The following SH3BP4 variants were observed in gnomAD, a reference collection of about 807,000 sequenced individuals.
SH3BP4 encodes the protein SH3 domain binding protein 4.
Under a neutral mutation model 65.5 loss-of-function variants are expected in SH3BP4, and 33 were observed. The ratio of observed to expected loss-of-function variants is 0.50; its 90% confidence interval spans 0.38 to 0.67. The LOEUF (loss-of-function observed/expected upper bound fraction) is 0.67, where lower values mean the gene tolerates loss of function less well. SH3BP4 is among the 30% of genes least tolerant of loss of function. SH3BP4 has a pLI of 0.00. For missense variants in SH3BP4, 1,134 were observed against 1,261.4 expected (o/e 0.90, Z 1.53); for synonymous variants, 552 against 545.5 (o/e 1.01, Z -0.17).
chr2:234,961,176 G>A (rs559789896), intron 1 of SH3BP4, among the ~76,000 whole-genome samples: 46 of 152,270 alleles, frequency 3.0e-4, no homozygotes, highest in Admixed American at 4.6e-4. Context: ...ATCGTACTTC[G>A]CTCCTGGAGT....
At chr2:235,007,427 T>G (rs1694330209) in intron 2 of SH3BP4, among the ~76,000 whole-genome samples, 1 of 152,102 alleles carries the variant, frequency 6.6e-6, no homozygotes, top group African/African-American at 2.4e-5. Flanking sequence ...GTCTGGAGAT[T>G]TGTGATTGTC....
chr2:234,988,111 G>A (rs1040167831), intron 1 of SH3BP4, among the ~76,000 whole-genome samples: 1 of 152,054 alleles, frequency 6.6e-6, no homozygotes, highest in African/African-American at 2.4e-5. Flanking sequence ...CCAGGCTGGA[G>A]TGCGGTGGTG....
chr2:234,967,109 C>T lies in SH3BP4; in HGVS notation c.-207+14939C>T, dbSNP rs747750465. 2.0e-5 allele frequency among the ~76,000 whole-genome samples: 3 copies of T among 152,094 alleles called. No individual in the cohort carries two copies. Among genetic ancestry groups the T allele is most frequent in the South Asian group, 2.1e-4 (1 of 4,816 alleles). ...CTCTTACTGTCTCTGTTTAACAGATCGGGAAACTGAGGAACCATGGGGTTT... is the reference window on the plus strand; with the variant it reads ...CTCTTACTGTCTCTGTTTAACAGATTGGGAAACTGAGGAACCATGGGGTTT... On this transcript the variant is annotated intron_variant, in intron 1 of 5. Coordinates refer to ENST00000392011, the MANE Select transcript of SH3BP4 (RefSeq NM_014521.3). The surrounding 1 kb of genome is among the most constrained non-coding windows in gnomAD (Gnocchi z 4.6).
chr2:235,054,115 A>G lies in SH3BP4; in HGVS notation c.*299A>G. ...GGGATCTATGAGAAAGGTGGTATCT[A>G]ATTTTTTTATGGACCATAAAGGTTT... On this transcript the variant is annotated 3_prime_UTR_variant, in exon 6 of 6. Coordinates refer to ENST00000392011, the MANE Select transcript of SH3BP4 (RefSeq NM_014521.3). 1 of 330,654 alleles carries G rather than the reference A, an allele frequency of 3.0e-6. No individual in the cohort carries two copies. The allele number at this position is 330,654 out of a possible 1,614,324, so 20.5% of individuals were successfully genotyped here.
At position 235,030,755 on chromosome 2, in the gene SH3BP4, C is replaced by G. The variant is rs1006441763; in HGVS notation, c.-132-4116C>G. On this transcript the variant is annotated intron_variant, in intron 2 of 5. Transcript: ENST00000392011. The surrounding 1 kb of genome is among the most constrained non-coding windows in gnomAD (Gnocchi z 4.1). ...TGCTGGCTGCATTCTCCATCCCGTG[C>G]CAGCCCCCTGTAGATGCAGTGGTGT... Among the ~76,000 whole-genome samples the G allele has an allele frequency of 6.6e-6, 1 of 152,166 alleles. No individual in the cohort carries two copies. The highest frequency in any genetic ancestry group is 1.5e-5 in the Non-Finnish European group (1 of 68,016).
chr2:235,054,137 G>A lies in SH3BP4; in HGVS notation c.*321G>A, dbSNP rs373065963. 3.6e-6 allele frequency: 1 copy of A among 276,550 alleles called. No homozygotes were observed. Among genetic ancestry groups the A allele is most frequent in the African/African-American group, 2.1e-5 (1 of 46,952 alleles). The allele number at this position is 276,550 out of a possible 1,614,324, so 17.1% of individuals were successfully genotyped here. A position where few individuals can be genotyped will look rare whatever the true frequency, so the allele number is the denominator to read the frequency against. On this transcript the variant is annotated 3_prime_UTR_variant, in exon 6 of 6. Coordinates refer to ENST00000392011, the MANE Select transcript of SH3BP4 (RefSeq NM_014521.3). ...TCTAATTTTTTTATGGACCATAAAG[G>A]TTTAAAAGAAAATAGGGGCACAGGC...
At chr2:235,023,380 G>C (rs6714688) in intron 2 of SH3BP4, among the ~76,000 whole-genome samples, 152,240 of 152,250 alleles carry the variant, frequency 1, 76,115 homozygotes, top group Middle Eastern at 1. Context: ...AACCCTGTCT[G>C]TATTTAAAAT....
intron 2 of SH3BP4, among the ~76,000 whole-genome samples, chr2:235,027,680 T>C (rs1456359786): frequency 6.6e-6 from 1 of 152,128 alleles, no homozygotes; most frequent in Non-Finnish European, 1.5e-5. Context: ...ACACAGGGAA[T>C]TGGCAGGGGA....
intron 1 of SH3BP4, among the ~76,000 whole-genome samples, chr2:234,960,067 C>T (rs1043717484): frequency 5.9e-5 from 9 of 152,252 alleles, no homozygotes; most frequent in Middle Eastern, 3.4e-3. Context: ...GTACAAGTGC[C>T]GTCAAATATT....
At chr2:235,010,556 C>T (rs534362938) in intron 2 of SH3BP4, among the ~76,000 whole-genome samples, 13 of 152,324 alleles carry the variant, frequency 8.5e-5, no homozygotes, top group African/African-American at 3.1e-4. Context: ...GTGCCTGACA[C>T]ACACCCAGCA....
Position 235,053,282 on chromosome 2 carries a change from G to T in SH3BP4, c.2668-310G>T, listed in dbSNP as rs74383221. On this transcript the variant is annotated intron_variant, in intron 5 of 5. Transcript: ENST00000392011. The stretch of plus-strand genomic sequence containing the variant: ...AAGGACAAAGCTGTCTTTTATGAAT[G>T]GGATGAATTTCCAAACAAATGGCAC... Among the ~76,000 whole-genome samples the T allele has an allele frequency of 5.6e-3, 856 of 152,306 alleles. 9 individuals are homozygous for T. The highest frequency in any genetic ancestry group is 0.019 in the African/African-American group (795 of 41,554).
In SH3BP4 at chr2:235,046,709, A is replaced by G. The variant is rs1476073114; in HGVS notation, c.2478+3462A>G. Among the ~76,000 whole-genome samples, 2 of 147,096 alleles carry G rather than the reference A, an allele frequency of 1.4e-5. No individual in the cohort carries two copies. The highest frequency in any genetic ancestry group is 2.6e-5 in the African/African-American group (1 of 39,018). ...TAAGAATCACTGAGGTACTAGATGG[A>G]TAAGTGATTGAATGAATGAATGATG... On this transcript the variant is annotated intron_variant, in intron 4 of 5. Coordinates refer to ENST00000392011, the MANE Select transcript of SH3BP4 (RefSeq NM_014521.3). The surrounding 1 kb of genome is among the most constrained non-coding windows in gnomAD (Gnocchi z 4.2).
chr2:235,050,124 T>C (rs1696000285), intron 4 of SH3BP4, among the ~76,000 whole-genome samples: 2 of 151,788 alleles, frequency 1.3e-5, no homozygotes, highest in African/African-American at 2.4e-5. Flanking sequence ...TTTTTTCTTT[T>C]CTTTTTTTTG....
intron 1 of SH3BP4, among the ~76,000 whole-genome samples, chr2:234,985,229 A>G (rs1693509929): frequency 6.6e-6 from 1 of 152,144 alleles, no homozygotes; most frequent in African/African-American, 2.4e-5. Context: ...CGAAGTCCTC[A>G]CTTTGTGGCT....
At chr2:234,956,535 A>G (rs1230637323) in intron 1 of SH3BP4, among the ~76,000 whole-genome samples, 2 of 150,556 alleles carry the variant, frequency 1.3e-5, no homozygotes, top group African/African-American at 2.4e-5. Context: ...TTAAATCTGC[A>G]TAACTGAGGA....
In SH3BP4 at chr2:235,030,119, AT is replaced by A. The variant is rs796814211; in HGVS notation, c.-132-4745del. Among the ~76,000 whole-genome samples the A allele has an allele frequency of 6.6e-6, 1 of 152,106 alleles. No homozygotes were observed. The highest frequency in any genetic ancestry group is 6.5e-5 in the Admixed American group (1 of 15,280). ...TCTCAGGCCAGGGGAGAGCAGACTG[AT>A]TTTTTTAAAAGCGGTGAGCACTGTC... On this transcript the variant is annotated intron_variant, in intron 2 of 5. Transcript: ENST00000392011. The surrounding 1 kb of genome is among the most constrained non-coding windows in gnomAD (Gnocchi z 4.1).
intron 1 of SH3BP4, among the ~76,000 whole-genome samples, chr2:234,975,298 C>A (rs544304411): frequency 5.8e-4 from 88 of 152,282 alleles, no homozygotes; most frequent in African/African-American, 2.0e-3. Flanking sequence ...GGAGCTGCTG[C>A]TGTTCTCCCT....
chr2:235,051,732 G>T (rs1208569467), intron 4 of SH3BP4, among the ~76,000 whole-genome samples: 2 of 152,068 alleles, frequency 1.3e-5, no homozygotes, highest in Non-Finnish European at 2.9e-5. Flanking sequence ...CTCCCTGGGT[G>T]GTCCCTGCCT....
chr2:234,995,246 C>T (rs777819292), intron 1 of SH3BP4, 57 bp from the exon 2 acceptor site: 1 of 152,382 alleles, frequency 6.6e-6, no homozygotes, highest in Non-Finnish European at 1.5e-5. Flanking sequence ...GGAAGCAGGC[C>T]TGAGTTCTGC....
Sources: allele counts gnomAD v4.1 joint callset (sites outside exome capture counted in the v4.1 genomes callset), GRCh38; gene constraint gnomAD v4.1.1; non-coding constraint Gnocchi (gnomAD v3.1); transcripts MANE v1.5; gene names NCBI Gene and HGNC (gene_info 2026-07-23, HGNC 2026-07-21).